Variants in ARNT2 observed in about 807,000 individuals in gnomAD.
ARNT2 encodes the protein aryl hydrocarbon receptor nuclear translocator 2, also known as ARNT protein 2.
A neutral mutation model predicts 91.7 loss-of-function variants in ARNT2; 36 were observed. The observed-to-expected ratio is 0.39, with a 90% confidence interval of 0.30 to 0.52. ARNT2 has a LOEUF of 0.52. Ranked by LOEUF, ARNT2 falls within the 20% of genes least tolerant of loss-of-function variation. ARNT2 has a pLI of 0.72. For synonymous variants in ARNT2, 365 were observed against 347.1 expected (o/e 1.05, Z -0.57); for missense variants, 775 against 939.3 (o/e 0.83, Z 2.29).
At chr15:80,532,419 C>A (rs1288069184) in intron 8 of ARNT2, among the ~76,000 whole-genome samples, 1 of 152,120 alleles carries the variant, frequency 6.6e-6, no homozygotes, top group African/African-American at 2.4e-5. Context: ...CATTGTGAGG[C>A]CCTCACAGTG....
At chr15:80,512,931 CAG>C (rs1236404793) in intron 6 of ARNT2, among the ~76,000 whole-genome samples, 3 of 152,256 alleles carry the variant, frequency 2.0e-5, no homozygotes, top group Non-Finnish European at 4.4e-5. Context: ...CCAAATGAAA[CAG>C]CTATTTTCAG....
In ARNT2 at chr15:80,404,646, C is replaced by T; in HGVS notation, c.31+100C>T. On this transcript the variant is annotated intron_variant, in intron 1 of 18. Coordinates refer to ENST00000303329, the MANE Select transcript of ARNT2 (RefSeq NM_014862.4). The surrounding 1 kb of genome is among the most constrained non-coding windows in gnomAD (Gnocchi z 5.5). ...CCGGGCGCCCCCGGGGGCGCGGAGC[C>T]GCAGCTCGGCGCGGTGGGTGGTGGA... is the stretch of plus-strand genomic sequence containing the variant. The T allele has an allele frequency of 8.9e-6, 7 of 786,400 alleles. No individual in the cohort carries two copies. Among genetic ancestry groups the T allele is most frequent in the Non-Finnish European group, 1.1e-5 (7 of 644,202 alleles). 48.7% of individuals were successfully genotyped at this position (786,400 alleles called of 1,614,324 possible).
At position 80,458,909 on chromosome 15, in the gene ARNT2, G is replaced by A. The variant is rs148033894; in HGVS notation, c.194+933G>A. Among the ~76,000 whole-genome samples the A allele has an allele frequency of 5.5e-3, 845 of 152,292 alleles. 3 individuals are homozygous for A. Among genetic ancestry groups the A allele is most frequent in the Middle Eastern group, 0.01 (3 of 294 alleles). ...TTTTCTTCTGTATCCATGCTCCATA[G>A]TTTGGACTGATGGCCTCAGTTGTTT... On this transcript the variant is annotated intron_variant, in intron 3 of 18. Coordinates refer to ENST00000303329, the MANE Select transcript of ARNT2 (RefSeq NM_014862.4).
chr15:80,551,116 G>A (rs1898073234), intron 8 of ARNT2, 83 bp from the exon 9 acceptor site: 4 of 1,382,358 alleles, frequency 2.9e-6, no homozygotes, highest in Middle Eastern at 2.0e-4. Flanking sequence ...ATTTTCGATT[G>A]CTTAAATAAA....
At chr15:80,539,494 G>A (rs1384440380) in intron 8 of ARNT2, among the ~76,000 whole-genome samples, 1 of 152,052 alleles carries the variant, frequency 6.6e-6, no homozygotes, top group African/African-American at 2.4e-5. Flanking sequence ...AATATCTTAT[G>A]CAGAGTGATT....
In ARNT2 at chr15:80,484,406, C is replaced by A. The variant is rs540322891; in HGVS notation, c.622+9183C>A. Reference sequence around the variant, plus strand: ...TGATAAATGCACGTGAGAATGAAATCTGAGAATTGCTGGCTGGTTGTTTTT... The same window carrying A: ...TGATAAATGCACGTGAGAATGAAATATGAGAATTGCTGGCTGGTTGTTTTT... On this transcript the variant is annotated intron_variant, in intron 5 of 18. Coordinates refer to ENST00000303329, the MANE Select transcript of ARNT2 (RefSeq NM_014862.4). 2.0e-5 allele frequency among the ~76,000 whole-genome samples: 3 copies of A among 152,292 alleles called. No homozygotes were observed. The South Asian group carries it at 6.2e-4, about 32-fold the overall frequency.
chr15:80,424,260 G>T (rs927520486), intron 1 of ARNT2, among the ~76,000 whole-genome samples: 6 of 152,342 alleles, frequency 3.9e-5, no homozygotes, highest in Middle Eastern at 3.4e-3. Context: ...AGGGTTCTCT[G>T]GGTTGTCCCC....
chr15:80,511,580 T>C (rs1897343076), intron 6 of ARNT2, among the ~76,000 whole-genome samples: 1 of 151,114 alleles, frequency 6.6e-6, no homozygotes, highest in Non-Finnish European at 1.5e-5. Flanking sequence ...CAGTTGGACA[T>C]GTAGTTCTGG....
At chr15:80,580,582 T>C in intron 16 of ARNT2, 33 bp downstream of exon 16, 1 of 1,612,954 alleles carries the variant, frequency 6.2e-7, no homozygotes, top group Non-Finnish European at 8.5e-7. Context: ...CTCCCCTGGG[T>C]GACCAGAGAG....
intron 10 of ARNT2, 32 bp downstream of exon 10, chr15:80,552,806 G>T: frequency 6.2e-7 from 1 of 1,603,100 alleles, no homozygotes; most frequent in South Asian, 1.1e-5. Flanking sequence ...TATGGCAATT[G>T]ACTAGAGATT....
chr15:80,445,525 A>ATG (rs983763551), intron 1 of ARNT2, among the ~76,000 whole-genome samples: 1 of 148,480 alleles, frequency 6.7e-6, no homozygotes, highest in African/African-American at 2.5e-5. Context: ...TGATGTGATG[A>ATG]TGTGTGTGTG....
At chr15:80,543,009 A>T (rs553634355) in intron 8 of ARNT2, among the ~76,000 whole-genome samples, 7 of 143,438 alleles carry the variant, frequency 4.9e-5, no homozygotes, top group African/African-American at 1.8e-4. Flanking sequence ...ACATGGAAGG[A>T]TGGCTTGAGC....
intron 2 of ARNT2, among the ~76,000 whole-genome samples, chr15:80,455,718 A>G (rs1168999981): frequency 1.3e-5 from 2 of 152,174 alleles, no homozygotes; most frequent in African/African-American, 4.8e-5. Flanking sequence ...CCCGAAGATC[A>G]TGAAGGCTGA....
chr15:80,438,721 G>A (rs1207894125), intron 1 of ARNT2, among the ~76,000 whole-genome samples: 1 of 152,122 alleles, frequency 6.6e-6, no homozygotes, highest in East Asian at 1.9e-4. Flanking sequence ...ATGGAGTCTG[G>A]CACTGTCACG....
At chr15:80,586,070 A>C (rs1898891380) in intron 17 of ARNT2, among the ~76,000 whole-genome samples, 1 of 152,178 alleles carries the variant, frequency 6.6e-6, no homozygotes. Flanking sequence ...CAAATTGCTC[A>C]GTTTCTTTTC....
Position 80,596,851 on chromosome 15 carries a change from C to T in ARNT2, c.*3153C>T. 3.3e-6 allele frequency: 1 copy of T among 304,754 alleles called. No individual in the cohort carries two copies. The highest frequency in any genetic ancestry group is 6.5e-6 in the Non-Finnish European group (1 of 153,834). 18.9% of individuals were successfully genotyped at this position (304,754 alleles called of 1,614,324 possible). A position where few individuals can be genotyped will look rare whatever the true frequency, so the allele number is the denominator to read the frequency against. On this transcript the variant is annotated 3_prime_UTR_variant, in exon 19 of 19. Transcript: ENST00000303329. ...AGATGCAGCCACAGTAAGGCTCCAT[C>T]AGGACTGGGTCAGTGATGGCAACAG...
intron 4 of ARNT2, 72 bp from the exon 5 acceptor site, chr15:80,474,938 T>C (rs1896778551): frequency 6.8e-7 from 1 of 1,477,306 alleles, no homozygotes; most frequent in South Asian, 1.2e-5. Flanking sequence ...TGAAGGCTGC[T>C]TTCCCAATAA....
chr15:80,456,424 G>A (rs956295701), intron 2 of ARNT2, among the ~76,000 whole-genome samples: 4 of 152,076 alleles, frequency 2.6e-5, no homozygotes, highest in Non-Finnish European at 5.9e-5. Context: ...GAGAACCAGA[G>A]ATTCCAAATT....
At chr15:80,493,773 T>A (rs1004460593) in intron 5 of ARNT2, among the ~76,000 whole-genome samples, 1 of 152,126 alleles carries the variant, frequency 6.6e-6, no homozygotes, top group African/African-American at 2.4e-5. Context: ...CCAAATCTCA[T>A]GTTGAAATTT....
Sources: allele counts gnomAD v4.1 joint callset (sites outside exome capture counted in the v4.1 genomes callset), GRCh38; gene constraint gnomAD v4.1.1; non-coding constraint Gnocchi (gnomAD v3.1); transcripts MANE v1.5; gene names NCBI Gene and HGNC (gene_info 2026-07-23, HGNC 2026-07-21).